The following SMARCAD1 variants were observed in gnomAD, a reference collection of about 807,000 sequenced individuals.
The protein encoded by SMARCAD1 is SNF2 related chromatin remodeling ATPase with DExD box 1, also known as SWI/SNF-related matrix-associated actin-dependent regulator of chromatin subfamily A containing DEAD/H box 1.
Under a neutral mutation model 127.1 loss-of-function variants are expected in SMARCAD1, and 25 were observed. That is an observed-to-expected ratio of 0.20 (90% CI 0.14 to 0.27). The LOEUF is 0.27. Among genes scored for constraint, SMARCAD1 ranks in the 10% least tolerant of loss-of-function variants. The pLI, the probability that SMARCAD1 is intolerant of heterozygous loss-of-function variation, is 1.00. For missense variants in SMARCAD1, 807 were observed against 1,206.0 expected (o/e 0.67, Z 4.90); for synonymous variants, 400 against 396.9 (o/e 1.01, Z -0.09).
chr4:94,284,724 T>C (rs1265150593), intron 22 of SMARCAD1, among the ~76,000 whole-genome samples: 1 of 152,078 alleles, frequency 6.6e-6, no homozygotes, highest in Non-Finnish European at 1.5e-5. Flanking sequence ...TGAGCCACTG[T>C]GCCCAGTCAG....
At chr4:94,243,146 C>G (rs1177153701) in intron 6 of SMARCAD1, among the ~76,000 whole-genome samples, 1 of 152,098 alleles carries the variant, frequency 6.6e-6, no homozygotes, top group Non-Finnish European at 1.5e-5. Flanking sequence ...ACCATATTAG[C>G]CGGGCTGATC....
At chr4:94,211,221 G>A (rs898997331) in intron 2 of SMARCAD1, among the ~76,000 whole-genome samples, 1 of 151,876 alleles carries the variant, frequency 6.6e-6, no homozygotes, top group African/African-American at 2.4e-5. Flanking sequence ...GCAGTGAGCC[G>A]AGATTGTGCC....
At chr4:94,219,485 A>G (rs1035743046) in intron 2 of SMARCAD1, among the ~76,000 whole-genome samples, 1 of 152,004 alleles carries the variant, frequency 6.6e-6, no homozygotes, top group Non-Finnish European at 1.5e-5. Flanking sequence ...GCAAGCTTGA[A>G]TGCTTGTTTT....
upstream of SMARCAD1, chr4:94,207,844 C>T (rs1237708736): frequency 9.0e-6 from 3 of 331,940 alleles, no homozygotes; most frequent in Non-Finnish European, 1.8e-5. Flanking sequence ...CTATCAGCTT[C>T]CTCTCAGCTG....
At position 94,290,941 on chromosome 4, in the gene SMARCAD1, TAA is replaced by T. The variant is rs1226802867; in HGVS notation, c.*1409_*1410del. The T allele has an allele frequency of 2.2e-6, 1 of 453,370 alleles. No individual in the cohort carries two copies. The highest frequency in any genetic ancestry group is 6.9e-5 in the East Asian group (1 of 14,390). 28.1% of individuals were successfully genotyped at this position (453,370 alleles called of 1,614,324 possible). ...ACTCTTACAGTGATTATTTAGATATTAAAGACTGAGAACTCACGGCTTAACCC... is the reference window on the plus strand; with the variant it reads ...ACTCTTACAGTGATTATTTAGATATTAGACTGAGAACTCACGGCTTAACCC... On this transcript the variant is annotated 3_prime_UTR_variant, in exon 24 of 24. Transcript: ENST00000354268.
chr4:94,233,098 T>C (rs564264179), intron 3 of SMARCAD1, among the ~76,000 whole-genome samples: 1 of 152,310 alleles, frequency 6.6e-6, no homozygotes, highest in South Asian at 2.1e-4. Flanking sequence ...TATAGAGAAA[T>C]TGCATATTCT....
intron 3 of SMARCAD1, among the ~76,000 whole-genome samples, chr4:94,230,121 T>G (rs1258368232): frequency 2.0e-5 from 3 of 152,146 alleles, no homozygotes; most frequent in Non-Finnish European, 2.9e-5. Flanking sequence ...CCCTTGTTCT[T>G]TTCTTTTAAA....
chr4:94,281,198 T>A (rs1753973101), intron 20 of SMARCAD1, among the ~76,000 whole-genome samples: 1 of 152,220 alleles, frequency 6.6e-6, no homozygotes. Flanking sequence ...CCGACGTTTT[T>A]CTTATGAAAA....
chr4:94,262,574 G>A (rs369573286), intron 9 of SMARCAD1, among the ~76,000 whole-genome samples: 15 of 152,110 alleles, frequency 9.9e-5, no homozygotes, highest in South Asian at 2.1e-4. Flanking sequence ...AGTTTAGAAC[G>A]CATTAAAATG....
rs563582994 is a variant in SMARCAD1 at position 94,242,758 on chromosome 4, A to T, written c.705+1752A>T. Among the ~76,000 whole-genome samples the T allele has an allele frequency of 9.6e-3, 1,448 of 150,376 alleles. 23 individuals are homozygous for T. Among genetic ancestry groups the T allele is most frequent in the Middle Eastern group, 0.058 (17 of 292 alleles). On this transcript the variant is annotated intron_variant, in intron 6 of 23. Coordinates refer to ENST00000354268, the MANE Select transcript of SMARCAD1 (RefSeq NM_020159.5). ...TGTCTCTGCAAAAAAAAAAAAAAAA[A>T]TTTTTTTAATTAGCTGGGCATGCTT...
Position 94,284,948 on chromosome 4 carries a change from A to AT in SMARCAD1, c.2910-3dup, listed in dbSNP as rs112303846. ...TTAGTAACCAATGGACATATTTTGTATTTTTTTTTAGAGAAGTACTAGTTA... is the reference window on the plus strand; with the variant it reads ...TTAGTAACCAATGGACATATTTTGTATTTTTTTTTTAGAGAAGTACTAGTTA... On this transcript the variant is annotated splice_polypyrimidine_tract_variant and intron_variant, in intron 22 of 23. Transcript: ENST00000354268. 1,378 of 1,431,822 alleles carry AT rather than the reference A, an allele frequency of 9.6e-4. 2 individuals carry two copies. The highest frequency in any genetic ancestry group is 2.0e-3 in the South Asian group (174 of 85,626). The allele number at this position is 1,431,822 out of a possible 1,614,324, so 88.7% of individuals were successfully genotyped here.
intron 6 of SMARCAD1, among the ~76,000 whole-genome samples, chr4:94,247,642 CCT>C (rs1748644864): frequency 6.6e-6 from 1 of 152,142 alleles, no homozygotes. Flanking sequence ...GCTGTCATCA[CCT>C]CGTAATAGCA....
At chr4:94,278,769 A>T (rs1197542419) in intron 18 of SMARCAD1, 36 bp downstream of exon 18, 1 of 1,602,430 alleles carries the variant, frequency 6.2e-7, no homozygotes. Flanking sequence ...TGTGAAAAAG[A>T]ATCTTGTACT....
chr4:94,227,121 C>T (rs1745151447), intron 3 of SMARCAD1, among the ~76,000 whole-genome samples: 1 of 152,024 alleles, frequency 6.6e-6, no homozygotes, highest in Non-Finnish European at 1.5e-5. Flanking sequence ...GAAAGTGAAC[C>T]ATGTAGATGT....
chr4:94,291,045 C>T lies in SMARCAD1; in HGVS notation c.*1511C>T, dbSNP rs1173662573. On this transcript the variant is annotated 3_prime_UTR_variant, in exon 24 of 24. Transcript: ENST00000354268. ...TAAAAGGAGTCTTCATGTGTTAATA[C>T]TACCTCCTTGTACATCACTATACCC... The T allele has an allele frequency of 2.3e-6, 1 of 439,874 alleles. No homozygotes were observed. The highest frequency in any genetic ancestry group is 4.5e-6 in the Non-Finnish European group (1 of 221,130). The allele number at this position is 439,874 out of a possible 1,614,324, so 27.2% of individuals were successfully genotyped here.
intron 2 of SMARCAD1, among the ~76,000 whole-genome samples, chr4:94,223,365 C>T (rs910089240): frequency 3.3e-5 from 5 of 151,684 alleles, no homozygotes; most frequent in African/African-American, 1.2e-4. Flanking sequence ...TGGTGGTGGG[C>T]GCCTGTAGTC....
chr4:94,211,531 T>G (rs1266015038), intron 2 of SMARCAD1, among the ~76,000 whole-genome samples: 1 of 152,212 alleles, frequency 6.6e-6, no homozygotes, highest in Non-Finnish European at 1.5e-5. Flanking sequence ...TAATGCTGCG[T>G]TAGTTTATTT....
chr4:94,274,777 T>C lies in SMARCAD1; in HGVS notation c.1712T>C (p.Leu571Ser), dbSNP rs1436820872. The C allele has an allele frequency of 6.2e-7, 1 of 1,613,880 alleles. No individual in the cohort carries two copies. Among genetic ancestry groups the C allele is most frequent in the Non-Finnish European group, 8.5e-7 (1 of 1,179,876 alleles). Residue 571 changes from leucine (L) to serine (S), a missense_variant, in exon 13 of 24, where the codon TTG becomes TCG. Around this residue, in one of 8 missense-constraint regions of SMARCAD1, gnomAD observed 148 missense variants for 313.2 expected, o/e 0.47. Coordinates refer to ENST00000354268, the MANE Select transcript of SMARCAD1 (RefSeq NM_020159.5). Reference sequence around the variant, plus strand: ...GAAGTTAATTTATGGTGCCCTACTTTGAAGGTCCTCTGTTACTATGGTAAG... The same window carrying C: ...GAAGTTAATTTATGGTGCCCTACTTCGAAGGTCCTCTGTTACTATGGTAAG... ...LREVNLWCPT[L>S]KVLCYYGSQE...
At chr4:94,213,275 A>G (rs1486596654) in intron 2 of SMARCAD1, 1 of 389,812 alleles carries the variant, frequency 2.6e-6, no homozygotes, top group Admixed American at 3.8e-5. Flanking sequence ...TCTTCAGGGG[A>G]GGATCACAAA....
Sources: allele counts gnomAD v4.1 joint callset (sites outside exome capture counted in the v4.1 genomes callset), GRCh38; gene constraint gnomAD v4.1.1; regional missense constraint gnomAD v4.1.1; transcripts MANE v1.5; gene names NCBI Gene and HGNC (gene_info 2026-07-23, HGNC 2026-07-21).